PTPRT: variants seen among roughly 807,000 people sequenced by gnomAD.
PTPRT encodes receptor-type tyrosine-protein phosphatase T.
A neutral mutation model predicts 176.8 loss-of-function variants in PTPRT; 56 were observed. That is an observed-to-expected ratio of 0.32 (90% confidence interval 0.26 to 0.40). The LOEUF (loss-of-function observed/expected upper bound fraction) is 0.40, where lower values mean the gene tolerates loss of function less well. Ranked by LOEUF, PTPRT falls within the 10% of genes least tolerant of loss-of-function variation. PTPRT has a pLI of 1.00. For missense variants in PTPRT, 1,540 were observed against 1,908.2 expected, an observed-to-expected ratio of 0.81 and a Z score of 3.60; for synonymous variants, 783 against 739.0, an observed-to-expected ratio of 1.06 and a Z score of -0.96.
At chr20:42,568,470 C>T (rs894855335) in intron 7 of PTPRT, among the ~76,000 whole-genome samples, 1 of 152,154 alleles carries the variant, frequency 6.6e-6, no homozygotes, top group Non-Finnish European at 1.5e-5. Context: ...GCTAGGTCTC[C>T]GAAGTCCACC....
chr20:42,654,897 C>T (rs1282573225), intron 7 of PTPRT, among the ~76,000 whole-genome samples: 1 of 152,198 alleles, frequency 6.6e-6, no homozygotes, highest in Non-Finnish European at 1.5e-5. Flanking sequence ...CTACTACCCG[C>T]ATTGAAGAGA....
rs370946588 is a variant in PTPRT at position 42,479,418 on chromosome 20, C to T, written c.1154-6856G>A. Reference sequence around the variant, plus strand: ...AGGCAGCTGGAAACATTATTGCCAACATAATTTGATACTGCAAGAGCAGAA... The same window carrying T: ...AGGCAGCTGGAAACATTATTGCCAATATAATTTGATACTGCAAGAGCAGAA... On this transcript the variant is annotated intron_variant, in intron 7 of 30. Coordinates refer to ENST00000373187, the MANE Select transcript of PTPRT (RefSeq NM_007050.6). Among the ~76,000 whole-genome samples the T allele has an allele frequency of 3.1e-3, 472 of 152,266 alleles. 22 individuals carry two copies. In the South Asian group the frequency reaches 0.092, roughly 30 times the overall value.
chr20:42,579,124 G>T (rs990909311), intron 7 of PTPRT, among the ~76,000 whole-genome samples: 7 of 135,018 alleles, frequency 5.2e-5, no homozygotes, highest in African/African-American at 2.0e-4. Context: ...TGTTCTCATT[G>T]ATCAATTCCC....
intron 6 of PTPRT, among the ~76,000 whole-genome samples, chr20:42,693,310 T>A (rs1031507814): frequency 1.3e-5 from 2 of 152,184 alleles, no homozygotes; most frequent in Non-Finnish European, 2.9e-5. Context: ...GTATAAGCTA[T>A]CCTAATAAAA....
In PTPRT at chr20:42,082,003, CG is replaced by C; in HGVS notation, c.4150del (p.Arg1384ValfsTer14). ...TVVHCLNGGG[R>X]SGTFCAICSV... The stretch of plus-strand genomic sequence containing the variant: ...GCAGATGGCACAGAAGGTTCCACTA[CG>C]GCCTCCCCCATTTCTAAACACAGAG... On this transcript the variant is annotated frameshift_variant, in exon 30 of 31. Coordinates refer to ENST00000373187, the MANE Select transcript of PTPRT (RefSeq NM_007050.6). LOFTEE classifies it high-confidence loss of function. The C allele has an allele frequency of 6.2e-7, 1 of 1,614,210 alleles. No individual in the cohort carries two copies. The highest frequency in any genetic ancestry group is 8.5e-7 in the Non-Finnish European group (1 of 1,180,048).
chr20:42,062,163 T>C, the PTPRT span, among the ~76,000 whole-genome samples: 1 of 152,152 alleles, frequency 6.6e-6, no homozygotes, highest in African/African-American at 2.4e-5. Flanking sequence ...CTTAAGAAGA[T>C]TGCTTGTGTA....
chr20:42,957,286 C>T (rs1328298625), intron 1 of PTPRT, among the ~76,000 whole-genome samples: 1 of 152,176 alleles, frequency 6.6e-6, no homozygotes, highest in Non-Finnish European at 1.5e-5. Flanking sequence ...ATTAGGGGCC[C>T]TCGTAAACGT....
chr20:42,829,678 T>G (rs1181405523), intron 2 of PTPRT, among the ~76,000 whole-genome samples: 2 of 152,126 alleles, frequency 1.3e-5, no homozygotes, highest in Non-Finnish European at 1.5e-5. Flanking sequence ...GGAGTTGGTT[T>G]TTTGAAAAAG....
chr20:42,900,575 C>T (rs1301092395), intron 1 of PTPRT, among the ~76,000 whole-genome samples: 1 of 152,166 alleles, frequency 6.6e-6, no homozygotes, highest in Non-Finnish European at 1.5e-5. Context: ...GTGGTAATGC[C>T]ACCCAGAGCC....
chr20:42,645,764 A>ATGTGTGTGTGTGTGTG (rs59454108), intron 7 of PTPRT, among the ~76,000 whole-genome samples: 95 of 139,578 alleles, frequency 6.8e-4, no homozygotes, highest in African/African-American at 2.3e-3. Flanking sequence ...ATGTGTATTT[A>ATGTGTGTGTGTGTGTG]TGTGTGTGTG....
chr20:42,899,262 T>A (rs2079357920), intron 1 of PTPRT, among the ~76,000 whole-genome samples: 1 of 152,198 alleles, frequency 6.6e-6, no homozygotes, highest in African/African-American at 2.4e-5. Flanking sequence ...TCATCCCCCG[T>A]CTCAGAGAAA....
At chr20:42,879,203 G>A (rs138667734) in intron 2 of PTPRT, among the ~76,000 whole-genome samples, 6 of 152,260 alleles carry the variant, frequency 3.9e-5, no homozygotes, top group African/African-American at 1.4e-4. Flanking sequence ...GGTGGCTTAA[G>A]ACAACAGAAA....
intron 6 of PTPRT, among the ~76,000 whole-genome samples, chr20:42,735,218 T>G (rs1224948870): frequency 1.3e-5 from 2 of 152,168 alleles, no homozygotes; most frequent in African/African-American, 4.8e-5. Flanking sequence ...CTGGGAAAGC[T>G]TAACCTCTAT....
At chr20:42,096,756 ATTTTTT>A (rs58111170) in intron 27 of PTPRT, among the ~76,000 whole-genome samples, 21,832 of 119,090 alleles carry the variant, frequency 0.18, 1,528 homozygotes, top group Middle Eastern at 0.3. Flanking sequence ...GCTAATTAAA[ATTTTTT>A]TTTTTTTTTT....
intron 15 of PTPRT, among the ~76,000 whole-genome samples, chr20:42,224,340 C>A (rs2055955378): frequency 6.6e-6 from 1 of 152,258 alleles, no homozygotes. Context: ...CATTTTTGCC[C>A]TTTATTAAAT....
At chr20:42,983,674 T>C (rs1983402213) in intron 1 of PTPRT, among the ~76,000 whole-genome samples, 1 of 152,246 alleles carries the variant, frequency 6.6e-6, no homozygotes, top group Non-Finnish European at 1.5e-5. Context: ...CCAGAGGCCC[T>C]GCCCACAACC....
chr20:42,158,539 A>C (rs1022565489), intron 17 of PTPRT, among the ~76,000 whole-genome samples: 1 of 152,184 alleles, frequency 6.6e-6, no homozygotes, highest in Non-Finnish European at 1.5e-5. Context: ...GTAGCACTGG[A>C]GGCTCAGGAG....
intron 6 of PTPRT, among the ~76,000 whole-genome samples, chr20:42,741,550 T>C (rs187488155): frequency 1.3e-5 from 2 of 152,096 alleles, no homozygotes; most frequent in Non-Finnish European, 2.9e-5. Flanking sequence ...TTCACCATGT[T>C]GGCCAGGCTG....
rs6030041 is a variant in PTPRT, at chr20:42,192,508, G to T, written c.2491+6732C>A. Among the ~76,000 whole-genome samples the T allele has an allele frequency of 1.9e-3, 290 of 152,256 alleles. 2 individuals are homozygous for T. The highest frequency in any genetic ancestry group is 6.5e-3 in the African/African-American group (270 of 41,552). On this transcript the variant is annotated intron_variant, in intron 16 of 30. Coordinates refer to ENST00000373187, the MANE Select transcript of PTPRT (RefSeq NM_007050.6). ...TGCCCACAAAGAAACCCTTTTATGA[G>T]GTCTGTGTGGTAAAGAACAGGAAGA...
Sources: gnomAD v4.1 joint callset for allele counts (sites outside exome capture counted in the v4.1 genomes callset) on GRCh38, gnomAD v4.1.1 for gene constraint, MANE v1.5 for transcripts, NCBI Gene and HGNC (gene_info 2026-07-23, HGNC 2026-07-21) for gene names.